GCN1: variants seen among roughly 807,000 people sequenced by gnomAD.
The protein encoded by GCN1 is GCN1 activator of EIF2AK4, also known as stalled ribosome sensor GCN1.
Under a neutral mutation model 288.4 loss-of-function variants are expected in GCN1, and 90 were observed. The observed-to-expected ratio is 0.31, with a 90% CI of 0.26 to 0.37. GCN1 has a LOEUF of 0.37. Among genes scored for constraint, GCN1 ranks in the 10% least tolerant of loss-of-function variants. GCN1 has a pLI of 1.00. For synonymous variants in GCN1, 1,386 were observed against 1,420.2 expected (o/e 0.98, Z 0.54); for missense variants, 2,586 against 3,419.9 (o/e 0.76, Z 6.08).
At chr12:120,166,026 G>T (rs1878111093) in intron 16 of GCN1, among the ~76,000 whole-genome samples, 1 of 151,990 alleles carries the variant, frequency 6.6e-6, no homozygotes, top group Non-Finnish European at 1.5e-5. Context: ...TCGACCTCAT[G>T]ATCTGCCCGC....
chr12:120,159,720 G>T, intron 24 of GCN1, 105 bp downstream of exon 24: 1 of 944,662 alleles, frequency 1.1e-6, no homozygotes, highest in Non-Finnish European at 1.7e-6. Context: ...AAACTCAGCA[G>T]CTGAGGTCAC....
In GCN1 at chr12:120,168,263, A is replaced by G; in HGVS notation, c.1557T>C (p.Asp519=). The G allele has an allele frequency of 6.2e-7, 1 of 1,610,448 alleles. No homozygotes were observed. Among genetic ancestry groups the G allele is most frequent in the East Asian group, 2.2e-5 (1 of 44,854 alleles). The change falls in exon 16 of 58, where the codon GAT becomes GAC. Residue 519 remains aspartate, a synonymous_variant. Coordinates refer to ENST00000300648, the MANE Select transcript of GCN1 (RefSeq NM_006836.2). ...KLSSFWQLIV[D]EKKQVFTSEK... ...CAGAAGTGAAAACCTGCTTTTTCTC[A>G]TCCACAATCAACTGCCAGAAACTGC...
intron 5 of GCN1, 112 bp downstream of exon 5, chr12:120,183,457 G>T: frequency 1.4e-6 from 1 of 729,854 alleles, no homozygotes; most frequent in Non-Finnish European, 2.5e-6. Context: ...AACTCAGAGT[G>T]TCTGGTCACC....
At chr12:120,131,045 G>C in intron 55 of GCN1, 140 bp downstream of exon 55, 1 of 748,148 alleles carries the variant, frequency 1.3e-6, no homozygotes, top group Non-Finnish European at 2.3e-6. Flanking sequence ...GCTGGTCCAA[G>C]GGCACAGCAA....
At chr12:120,150,544 G>A (rs1402996057) in intron 34 of GCN1, among the ~76,000 whole-genome samples, 2 of 150,716 alleles carry the variant, frequency 1.3e-5, no homozygotes, top group Admixed American at 1.3e-4. Context: ...GCAGTGAGCC[G>A]AGATTGTGCC....
At chr12:120,188,981 G>A (rs1419030049) in intron 2 of GCN1, among the ~76,000 whole-genome samples, 1 of 152,094 alleles carries the variant, frequency 6.6e-6, no homozygotes, top group African/African-American at 2.4e-5. Flanking sequence ...AACTCTCCAT[G>A]AACCCAAAAG....
At chr12:120,192,870 C>T (rs1358717159) in intron 1 of GCN1, among the ~76,000 whole-genome samples, 1 of 150,578 alleles carries the variant, frequency 6.6e-6, no homozygotes, top group African/African-American at 2.5e-5. Context: ...CATGGTGAAA[C>T]CCTGTCTCTA....
rs199612431 is a variant in GCN1, at chr12:120,164,996, C to CAT, written c.1613-277_1613-276dup. On this transcript the variant is annotated intron_variant, in intron 16 of 57. Coordinates refer to ENST00000300648, the MANE Select transcript of GCN1 (RefSeq NM_006836.2). The stretch of plus-strand genomic sequence containing the variant: ...ATATATATACATATACATATATACA[C>CAT]ATATATACACACACACACACACACA... 2.7e-4 allele frequency among the ~76,000 whole-genome samples: 29 copies of CAT among 108,890 alleles called. No individual in the cohort carries two copies. In the East Asian group the frequency reaches 5.9e-3, roughly 22 times the overall value. 71.4% of individuals were successfully genotyped at this position (108,890 alleles called of 152,430 possible). A position where few individuals can be genotyped will look rare whatever the true frequency, so the allele number is the denominator to read the frequency against.
intron 20 of GCN1, 49 bp from the exon 21 acceptor site, chr12:120,162,107 G>T: frequency 2.6e-6 from 4 of 1,515,688 alleles, no homozygotes; most frequent in Non-Finnish European, 2.7e-6. Context: ...GCTGGCACTG[G>T]CAAGAGGTCC....
intron 35 of GCN1, 87 bp downstream of exon 35, chr12:120,149,835 A>C: frequency 6.4e-7 from 1 of 1,565,646 alleles, no homozygotes; most frequent in Non-Finnish European, 8.8e-7. Flanking sequence ...CTATTATGTC[A>C]GACCCTGTGC....
chr12:120,133,999 G>A (rs1594258556), intron 53 of GCN1, among the ~76,000 whole-genome samples: 1 of 152,122 alleles, frequency 6.6e-6, no homozygotes, highest in African/African-American at 2.4e-5. Context: ...GATAGGAGGC[G>A]GAGGCTGCAG....
chr12:120,180,316 C>T (rs1594287222), intron 5 of GCN1, among the ~76,000 whole-genome samples: 1 of 151,866 alleles, frequency 6.6e-6, no homozygotes, highest in East Asian at 1.9e-4. Context: ...GAGAGCGAAA[C>T]TCCATCTCAA....
At position 120,130,727 on chromosome 12, in the gene GCN1, C is replaced by T. The variant is rs369317247; in HGVS notation, c.7590G>A (p.Arg2530=). Residue 2530 remains arginine (R), a synonymous_variant, in exon 56 of 58, where the codon CGG becomes CGA. Transcript: ENST00000300648. The part of the protein sequence containing the change: ...DRIPIAVSGV[R]GMGFLMRHHI... ...GGTGTCTCATGAGAAAGCCCATGCCCCGGACCCCGCTCACCGCAATGGGGA... is the reference window on the plus strand; with the variant it reads ...GGTGTCTCATGAGAAAGCCCATGCCTCGGACCCCGCTCACCGCAATGGGGA... The T allele has an allele frequency of 5.6e-6, 9 of 1,613,732 alleles. No homozygotes were observed. Among genetic ancestry groups the T allele is most frequent in the Non-Finnish European group, 7.6e-6 (9 of 1,179,740 alleles).
At chr12:120,161,746 G>A (rs368545448) in intron 21 of GCN1, 134 bp downstream of exon 21, 12 of 974,862 alleles carry the variant, frequency 1.2e-5, no homozygotes, top group African/African-American at 3.2e-5. Context: ...CCGTGCCGGG[G>A]ACACAACAGG....
At chr12:120,169,389 G>A (rs1594280911) in intron 15 of GCN1, among the ~76,000 whole-genome samples, 2 of 147,768 alleles carry the variant, frequency 1.4e-5, no homozygotes, top group South Asian at 2.1e-4. Context: ...GAATCATTTC[G>A]AAGATATATT....
At position 120,142,970 on chromosome 12, in the gene GCN1, A is replaced by G. The variant is rs1434814071; in HGVS notation, c.5496-29T>C. 1 of 1,389,292 alleles carries G rather than the reference A, an allele frequency of 7.2e-7. No individual in the cohort carries two copies. Among genetic ancestry groups the G allele is most frequent in the African/African-American group, 1.4e-5 (1 of 70,672 alleles). 86.1% of individuals were successfully genotyped at this position (1,389,292 alleles called of 1,614,324 possible). On this transcript the variant is annotated intron_variant, in intron 42 of 57. Transcript: ENST00000300648. This position sits in a 1 kb window ranked among gnomAD's most constrained non-coding sequence, Gnocchi z 4.9. ...AGAAGGAGGCCAACAACACAGTCACACAGCTGCAAGGAGTGGGCTCGGCAC... is the reference window on the plus strand; with the variant it reads ...AGAAGGAGGCCAACAACACAGTCACGCAGCTGCAAGGAGTGGGCTCGGCAC...
At chr12:120,174,589 G>C (rs1327166512) in intron 12 of GCN1, among the ~76,000 whole-genome samples, 1 of 151,364 alleles carries the variant, frequency 6.6e-6, no homozygotes. Flanking sequence ...TCAAGATCGA[G>C]ACCATCCTGG....
rs1001179769 is a variant in GCN1 at position 120,158,294 on chromosome 12, C to A, written c.2905+166G>T. On this transcript the variant is annotated intron_variant, in intron 25 of 57. Transcript: ENST00000300648. This position sits in a 1 kb window ranked among gnomAD's most constrained non-coding sequence, Gnocchi z 4.3. ...ACACCAGTGACAAAAAGTAAACCCT[C>A]AACTGGGCTCACTGCAATTCACAGA... 6.6e-6 allele frequency among the ~76,000 whole-genome samples: 1 copy of A among 152,228 alleles called. No homozygotes were observed. Among genetic ancestry groups the A allele is most frequent in the African/African-American group, 2.4e-5 (1 of 41,460 alleles).
Position 120,159,890 on chromosome 12 carries a change from G to C in GCN1, c.2684C>G (p.Pro895Arg), listed in dbSNP as rs201440874. Residue 895 changes from proline to arginine, a missense_variant, in exon 24 of 58, where the codon CCC (proline) becomes CGC (arginine). Physicochemically the swap from Pro to Arg is moderately radical, Grantham distance 103 (BLOSUM62 -2). This residue lies in a region of GCN1 where 913 missense variants were observed against 1,107.0 expected (regional missense o/e 0.82). Coordinates refer to ENST00000300648, the MANE Select transcript of GCN1 (RefSeq NM_006836.2). ...LPLLKSPLAA[P>R]RIKNPFLSLA... ...GGACAAGAAGGGGTTCTTGATCCTG[G>C]GAGCAGCCAGGGGAGACTTCAGCAA... 3.3e-5 allele frequency: 53 copies of C among 1,614,064 alleles called. No individual in the cohort carries two copies. The highest frequency in any genetic ancestry group is 6.8e-6 in the Non-Finnish European group (8 of 1,180,034).
Sources: allele counts gnomAD v4.1 joint callset (sites outside exome capture counted in the v4.1 genomes callset), GRCh38; gene constraint gnomAD v4.1.1; regional missense constraint gnomAD v4.1.1; non-coding constraint Gnocchi (gnomAD v3.1); transcripts MANE v1.5; gene names NCBI Gene and HGNC (gene_info 2026-07-23, HGNC 2026-07-21).